PMFBP1: variants seen among roughly 807,000 people sequenced by gnomAD.
PMFBP1 encodes the protein polyamine-modulated factor 1-binding protein 1.
A neutral mutation model predicts 137.8 loss-of-function variants in PMFBP1; 131 were observed. That is an observed-to-expected ratio of 0.95 (90% CI 0.82 to 1.10). PMFBP1 has a LOEUF of 1.10. PMFBP1 is among the 50% of genes least tolerant of loss of function. The pLI is 0.00. For missense variants in PMFBP1, 1,199 were observed against 1,175.4 expected (o/e 1.02, Z -0.29); for synonymous variants, 490 against 450.4 (o/e 1.09, Z -1.11).
chr16:72,196,277 TTGGGTGTC>T, the PMFBP1 span, among the ~76,000 whole-genome samples: 2 of 151,982 alleles, frequency 1.3e-5, no homozygotes, highest in East Asian at 3.9e-4. Context: ...CTTCAAAGAG[TTGGGTGTC>T]TGGGCAACAC....
intron 5 of PMFBP1, 75 bp downstream of exon 5, chr16:72,150,533 G>T: frequency 7.0e-7 from 1 of 1,431,336 alleles, no homozygotes; most frequent in South Asian, 1.2e-5. Context: ...CAGTGGAGGA[G>T]GCTGGGACTG....
chr16:72,130,080 C>A, intron 12 of PMFBP1, 133 bp downstream of exon 12: 6 of 1,213,278 alleles, frequency 4.9e-6, no homozygotes, highest in Non-Finnish European at 5.8e-6. Context: ...GTCTGGAACC[C>A]CTGGGCTCAA....
downstream of PMFBP1, chr16:72,119,037 G>A (rs537638367): frequency 5.9e-6 from 2 of 337,552 alleles, no homozygotes; most frequent in East Asian, 5.2e-5. Flanking sequence ...GGATGAACAT[G>A]TTGCTGGGGG....
At chr16:72,178,538 G>C (rs1417424160), upstream of PMFBP1, among the ~76,000 whole-genome samples, 5 of 152,124 alleles carry the variant, frequency 3.3e-5, no homozygotes, top group Non-Finnish European at 7.4e-5. Context: ...CTGTAAGAAA[G>C]AGCTGCTCTT....
At position 72,139,419 on chromosome 16, in the gene PMFBP1, A is replaced by C; in HGVS notation, c.808-20T>G. The C allele has an allele frequency of 1.9e-6, 3 of 1,556,022 alleles. No individual in the cohort carries two copies. Among genetic ancestry groups the C allele is most frequent in the Non-Finnish European group, 2.7e-6 (3 of 1,127,964 alleles). On this transcript the variant is annotated intron_variant, in intron 6 of 20. Transcript: ENST00000237353. ...CAGAACCTGCAAATAAGCTTAGATC[A>C]GTTATGCTGGATGATCAATGGAACG...
At chr16:72,222,624 T>C in the PMFBP1 span, among the ~76,000 whole-genome samples, 10 of 152,160 alleles carry the variant, frequency 6.6e-5, no homozygotes, top group Non-Finnish European at 1.5e-5. Flanking sequence ...GTAACGGTGC[T>C]GAGGACCCAG....
chr16:72,195,981 ATGTGTGTGTGTGTGTGTGTGTG>A, the PMFBP1 span, among the ~76,000 whole-genome samples: 55 of 145,054 alleles, frequency 3.8e-4, no homozygotes, highest in African/African-American at 1.0e-3. Context: ...AGCTTACAGA[ATGTGTGTGTGTGTGTGTGTGTG>A]TGTGTGTGTG....
intron 4 of PMFBP1, among the ~76,000 whole-genome samples, chr16:72,151,835 A>C (rs1321904055): frequency 6.6e-6 from 1 of 152,122 alleles, no homozygotes; most frequent in African/African-American, 2.4e-5. Flanking sequence ...TCCCACTGCA[A>C]GCATATTCAA....
At chr16:72,171,052 G>T in intron 2 of PMFBP1, 145 bp downstream of exon 2, 3 of 881,260 alleles carry the variant, frequency 3.4e-6, no homozygotes, top group Non-Finnish European at 3.6e-6. Context: ...TCGAGTCTGG[G>T]CTCTTAAACA....
Position 72,119,356 on chromosome 16 carries a change from T to C in PMFBP1, c.3008-2A>G, listed in dbSNP as rs1040537490. The C allele has an allele frequency of 9.3e-6, 15 of 1,614,120 alleles. No homozygotes were observed. The highest frequency in any genetic ancestry group is 1.6e-4 in the Middle Eastern group (1 of 6,062). ...GTGGATTCTAGCAGTATGAGGAACCTGAGGGAACAGGGAGGAAATGAGAGT... is the reference window on the plus strand; with the variant it reads ...GTGGATTCTAGCAGTATGAGGAACCCGAGGGAACAGGGAGGAAATGAGAGT... On this transcript the variant is annotated splice_acceptor_variant, in intron 20 of 20. Transcript: ENST00000237353. LOFTEE classifies it high-confidence loss of function.
chr16:72,186,474 G>C, the PMFBP1 span, among the ~76,000 whole-genome samples: 40,402 of 151,924 alleles, frequency 0.27, 5,832 homozygotes, highest in South Asian at 0.43. Context: ...AGAAGGAGAG[G>C]CTGGAATGGG....
At chr16:72,190,344 C>T in the PMFBP1 span, among the ~76,000 whole-genome samples, 2 of 152,162 alleles carry the variant, frequency 1.3e-5, no homozygotes, top group East Asian at 1.9e-4. Context: ...GTGTGGACAG[C>T]CAGCTCGTGA....
In PMFBP1 at chr16:72,127,548, C is replaced by A. The variant is rs183840215; in HGVS notation, c.2088+1109G>T. Among the ~76,000 whole-genome samples the A allele has an allele frequency of 2.6e-5, 4 of 152,008 alleles. No individual in the cohort carries two copies. The East Asian group carries it at 7.7e-4, about 29-fold the overall frequency. The stretch of plus-strand genomic sequence containing the variant: ...ATGGTGAAAAAAAATTACAGTGAAG[C>A]TAGAAGCTAAAATGGAAGCTTTAAA... On this transcript the variant is annotated intron_variant, in intron 14 of 20. Transcript: ENST00000237353.
At chr16:72,225,715 A>AATAATG in the PMFBP1 span, among the ~76,000 whole-genome samples, 1 of 91,098 alleles carries the variant, frequency 1.1e-5, no homozygotes, top group East Asian at 3.2e-4. Context: ...TGTTTATAAT[A>AATAATG]ATAATAATAA....
chr16:72,217,106 C>T, the PMFBP1 span, among the ~76,000 whole-genome samples: 1 of 152,122 alleles, frequency 6.6e-6, no homozygotes, highest in Admixed American at 6.5e-5. Context: ...AATCTAATTG[C>T]TCTCTAGTCC....
the PMFBP1 span, among the ~76,000 whole-genome samples, chr16:72,192,756 G>A: frequency 2.9e-4 from 44 of 152,132 alleles, no homozygotes; most frequent in Admixed American, 1.4e-3. Flanking sequence ...CAAAAAATTA[G>A]CCAGGTGTGG....
intron 6 of PMFBP1, among the ~76,000 whole-genome samples, chr16:72,139,769 G>C (rs1326793564): frequency 1.3e-5 from 2 of 152,204 alleles, no homozygotes; most frequent in African/African-American, 4.8e-5. Context: ...TCCTTATGGA[G>C]TGTGTAATTG....
At chr16:72,141,999 T>C (rs1488100592) in intron 5 of PMFBP1, among the ~76,000 whole-genome samples, 3 of 134,592 alleles carry the variant, frequency 2.2e-5, no homozygotes, top group African/African-American at 8.9e-5. Flanking sequence ...GGTAAATTGA[T>C]ATACATCGTG....
At chr16:72,153,877 T>G (rs904041756) in intron 4 of PMFBP1, among the ~76,000 whole-genome samples, 22 of 149,400 alleles carry the variant, frequency 1.5e-4, no homozygotes, top group African/African-American at 5.2e-4. Flanking sequence ...TACAGTCTTT[T>G]GCATTTACAT....
Sources: allele counts gnomAD v4.1 joint callset (sites outside exome capture counted in the v4.1 genomes callset), GRCh38; gene constraint gnomAD v4.1.1; transcripts MANE v1.5; gene names NCBI Gene and HGNC (gene_info 2026-07-23, HGNC 2026-07-21).